IL1RAPL1: variants seen among roughly 807,000 people sequenced by gnomAD.
IL1RAPL1 encodes interleukin 1 receptor accessory protein like 1.
Under a neutral mutation model 48.4 loss-of-function variants are expected in IL1RAPL1, and 3 were observed. That is an observed-to-expected ratio of 0.06 (90% CI 0.03 to 0.16). The LOEUF (loss-of-function observed/expected upper bound fraction) is 0.16. IL1RAPL1 is among the 10% of genes least tolerant of loss of function. The pLI, the probability that IL1RAPL1 is intolerant of heterozygous loss-of-function variation, is 1.00. For synonymous variants in IL1RAPL1, 185 were observed against 187.7 expected, an observed-to-expected ratio of 0.99 and a Z score of 0.12; for missense variants, 349 against 530.6, an observed-to-expected ratio of 0.66 and a Z score of 3.36.
At chrX:28,843,667 C>T (rs1269846895) in intron 2 of IL1RAPL1, among the ~76,000 whole-genome samples, 1 of 111,835 alleles carries the variant, frequency 8.9e-6, no homozygotes. Context: ...TCTTTGAAGT[C>T]TAAATAGCAT....
chrX:29,062,016 A>C (rs1927353000), intron 2 of IL1RAPL1, among the ~76,000 whole-genome samples: 1 of 112,430 alleles, frequency 8.9e-6, no homozygotes, highest in South Asian at 3.6e-4. Context: ...GAATTCTGAA[A>C]ACAAGGGATA....
intron 5 of IL1RAPL1, among the ~76,000 whole-genome samples, chrX:29,491,441 A>G (rs1935158623): frequency 8.9e-6 from 1 of 112,657 alleles, no homozygotes; most frequent in East Asian, 2.8e-4. Context: ...AGAAACAGAA[A>G]GTCCCTTGCA....
intron 1 of IL1RAPL1, among the ~76,000 whole-genome samples, chrX:28,686,393 C>T (rs960163323): frequency 8.9e-5 from 10 of 111,945 alleles, no homozygotes; most frequent in African/African-American, 2.9e-4. Flanking sequence ...CTGTCTCTTT[C>T]GATTTTCTCT....
intron 2 of IL1RAPL1, among the ~76,000 whole-genome samples, chrX:29,093,502 C>G (rs1003484106): frequency 9.0e-6 from 1 of 111,256 alleles, no homozygotes; most frequent in South Asian, 3.8e-4. Flanking sequence ...GACATAGATC[C>G]AAACCGTATC....
At chrX:29,179,221 C>T (rs746855710) in intron 2 of IL1RAPL1, among the ~76,000 whole-genome samples, 38 of 111,162 alleles carry the variant, frequency 3.4e-4, no homozygotes, top group African/African-American at 1.2e-3. Flanking sequence ...ATTCTTCCTA[C>T]CCATGAGCAT....
rs1189630434 is a variant in IL1RAPL1, at chrX:29,334,774, C to T, written c.362+51557C>T. On this transcript the variant is annotated intron_variant, in intron 3 of 10. Coordinates refer to ENST00000378993, the MANE Select transcript of IL1RAPL1 (RefSeq NM_014271.4). The stretch of plus-strand genomic sequence containing the variant: ...AGATGGGATGGCGGCCGGGCAGAGA[C>T]GCTCCTCACTTTCCAGACTGTGCAG... Among the ~76,000 whole-genome samples, 18 of 113,371 alleles carry T rather than the reference C, an allele frequency of 1.6e-4. No individual in the cohort carries two copies. In the East Asian group the frequency reaches 4.2e-3, roughly 27 times the overall value.
At chrX:29,403,637 G>A (rs1358613942) in intron 5 of IL1RAPL1, among the ~76,000 whole-genome samples, 1 of 111,739 alleles carries the variant, frequency 8.9e-6, no homozygotes, top group Admixed American at 9.5e-5. Context: ...ATATTTATAT[G>A]TGTAACCACC....
At chrX:29,448,693 T>C (rs1417487059) in intron 5 of IL1RAPL1, among the ~76,000 whole-genome samples, 4 of 112,017 alleles carry the variant, frequency 3.6e-5, no homozygotes, top group Non-Finnish European at 7.5e-5. Flanking sequence ...CAGTCCTATA[T>C]AGTAGTATAG....
At chrX:29,510,183 C>G (rs1257609626) in intron 5 of IL1RAPL1, among the ~76,000 whole-genome samples, 2 of 112,124 alleles carry the variant, frequency 1.8e-5, no homozygotes, top group African/African-American at 3.2e-5. Context: ...ATTTATTATT[C>G]TGAGATTACT....
chrX:28,995,079 CTGAATG>C (rs1925697885), intron 2 of IL1RAPL1, among the ~76,000 whole-genome samples: 1 of 111,077 alleles, frequency 9.0e-6, no homozygotes, highest in Non-Finnish European at 1.9e-5. Context: ...GTACTAAGTT[CTGAATG>C]TGAATGTGAT....
chrX:29,240,220 ATATATTTTTTTTT>A (rs1166196000), intron 2 of IL1RAPL1, among the ~76,000 whole-genome samples: 6 of 19,573 alleles, frequency 3.1e-4, no homozygotes, highest in Non-Finnish European at 5.0e-4. Flanking sequence ...ATATATATAT[ATATATTTTTTTTT>A]TTTTTTTTTT....
chrX:29,557,170 T>A (rs766972937), intron 5 of IL1RAPL1, among the ~76,000 whole-genome samples: 1 of 111,679 alleles, frequency 9.0e-6, no homozygotes, highest in Admixed American at 9.5e-5. Flanking sequence ...GGCTGTCTGG[T>A]TTTAAAGATA....
chrX:29,127,962 T>TA (rs386416814), intron 2 of IL1RAPL1, among the ~76,000 whole-genome samples: 34,855 of 93,136 alleles, frequency 0.37, 6,390 homozygotes, highest in Non-Finnish European at 0.5. Context: ...AGACTCGATC[T>TA]AAAAAAAAAA....
intron 5 of IL1RAPL1, among the ~76,000 whole-genome samples, chrX:29,492,115 G>A (rs753435973): frequency 3.6e-5 from 4 of 111,856 alleles, no homozygotes; most frequent in Non-Finnish European, 7.5e-5. Context: ...CCTCTACTAT[G>A]AGACAGCAGT....
intron 9 of IL1RAPL1, among the ~76,000 whole-genome samples, chrX:29,951,192 A>G (rs1393825589): frequency 8.9e-6 from 1 of 112,039 alleles, no homozygotes; most frequent in Non-Finnish European, 1.9e-5. Context: ...ATGTGATACC[A>G]AAATGAAAGG....
At chrX:29,662,319 A>G (rs1033644875) in intron 5 of IL1RAPL1, among the ~76,000 whole-genome samples, 1 of 111,713 alleles carries the variant, frequency 9.0e-6, no homozygotes, top group African/African-American at 3.3e-5. Flanking sequence ...TCTCACAGAT[A>G]TGTTCCAAAT....
At chrX:28,769,162 T>C (rs1936284253) in intron 1 of IL1RAPL1, among the ~76,000 whole-genome samples, 1 of 109,260 alleles carries the variant, frequency 9.2e-6, no homozygotes, top group Admixed American at 1.0e-4. Context: ...TATGTGTGTG[T>C]GTGTGTATGA....
chrX:29,773,039 T>A (rs1929105673), intron 6 of IL1RAPL1, among the ~76,000 whole-genome samples: 1 of 112,036 alleles, frequency 8.9e-6, no homozygotes, highest in Admixed American at 9.5e-5. Flanking sequence ...ATGTGAGAAT[T>A]TGAAATAATA....
intron 2 of IL1RAPL1, among the ~76,000 whole-genome samples, chrX:29,241,584 T>C (rs186235902): frequency 9.0e-6 from 1 of 111,425 alleles, no homozygotes; most frequent in East Asian, 2.8e-4. Context: ...GGAGATGTGA[T>C]ATGACAAAAA....
Sources: gnomAD v4.1 joint callset for allele counts (sites outside exome capture counted in the v4.1 genomes callset) on GRCh38, gnomAD v4.1.1 for gene constraint, MANE v1.5 for transcripts, NCBI Gene and HGNC (gene_info 2026-07-23, HGNC 2026-07-21) for gene names.